MUC5B: variants seen among roughly 807,000 people sequenced by gnomAD.
MUC5B encodes the protein mucin 5B, oligomeric mucus/gel-forming.
A neutral mutation model predicts 376.9 loss-of-function variants in MUC5B; 116 were observed. That is an observed-to-expected ratio of 0.31 (90% CI 0.26 to 0.36). The LOEUF (loss-of-function observed/expected upper bound fraction) is 0.36, where lower values mean the gene tolerates loss of function less well. MUC5B is among the 10% of genes least tolerant of loss of function. The pLI, the probability that MUC5B is intolerant of heterozygous loss-of-function variation, is 1.00. For synonymous variants in MUC5B, 3,517 were observed against 3,390.9 expected (o/e 1.04, Z -1.29); for missense variants, 7,165 against 7,769.9 (o/e 0.92, Z 2.93).
At position 1,254,775 on chromosome 11, in the gene MUC5B, C is replaced by G; in HGVS notation, c.15559C>G (p.Arg5187Gly). The G allele has an allele frequency of 6.2e-7, 1 of 1,612,850 alleles. No homozygotes were observed. Among genetic ancestry groups the G allele is most frequent in the Non-Finnish European group, 8.5e-7 (1 of 1,179,786 alleles). Reference protein sequence around the residue: ...LVSVLGTTTMRVDIPALGVSV... With the variant: ...LVSVLGTTTMGVDIPALGVSV... The stretch of plus-strand genomic sequence containing the variant: ...GTCTGTGCTGGGGACCACCACCATG[C>G]GTGTGGACATTCCTGCCCTGGGCGT... Residue 5187 changes from arginine to glycine, a missense_variant, in exon 35 of 49, where the codon CGT becomes GGT. Transcript: ENST00000529681.
Position 1,236,409 on chromosome 11 carries a change from G to A in MUC5B, c.2904G>A (p.Glu968=), listed in dbSNP as rs755283290. The A allele has an allele frequency of 1.9e-6, 3 of 1,611,906 alleles. No individual in the cohort carries two copies. The highest frequency in any genetic ancestry group is 2.2e-5 in the East Asian group (1 of 44,854). ...FVESYELILQ[E]GTFKAVARGP... is the part of the protein sequence containing the mutation. ...AGAGCTACGAGCTGATCCTCCAAGA[G>A]GGGACCTTTAAGGCGGTGGCGAGAG... Residue 968 remains glutamate, a synonymous_variant, in exon 24 of 49, where the codon GAG becomes GAA. Coordinates refer to ENST00000529681, the MANE Select transcript of MUC5B (RefSeq NM_002458.3).
At position 1,227,137 on chromosome 11, in the gene MUC5B, A is replaced by G. The variant is rs775420853; in HGVS notation, c.568A>G (p.Ser190Gly). The change falls in exon 5 of 49, where the codon AGT becomes GGT. Residue 190 changes from serine (S) to glycine (G), a missense_variant. This residue lies in a region of MUC5B where 640 missense variants were observed against 733.0 expected (regional missense o/e 0.87). Transcript: ENST00000529681. ...GACATTCCTGTGGAACGGAGAGGAC[A>G]GTGCCCTGGTGAGGAAGCCCCCTCG... ...VLTFLWNGED[S>G]ALLELDPKYA... The G allele has an allele frequency of 6.2e-7, 1 of 1,611,208 alleles. No individual in the cohort carries two copies. The highest frequency in any genetic ancestry group is 8.5e-7 in the Non-Finnish European group (1 of 1,178,726).
intron 18 of MUC5B, 80 bp from the exon 19 acceptor site, chr11:1,233,713 C>CGGCGGGGGCTCGGAAGCCCGGG: frequency 7.0e-7 from 1 of 1,425,844 alleles, no homozygotes; most frequent in Non-Finnish European, 9.6e-7. Context: ...GCCCAGCGTT[C>CGGCGGGGGCTCGGAAGCCCGGG]GGCGGGGGCT....
chr11:1,251,356 G>C lies in MUC5B; in HGVS notation c.14476G>C (p.Ala4826Pro). 1 of 1,611,944 alleles carries C rather than the reference G, an allele frequency of 6.2e-7. No individual in the cohort carries two copies. The highest frequency in any genetic ancestry group is 8.5e-7 in the Non-Finnish European group (1 of 1,178,824). The change falls in exon 31 of 49, where the codon GCC becomes CCC. Residue 4826 changes from alanine to proline, a missense_variant. Coordinates refer to ENST00000529681, the MANE Select transcript of MUC5B (RefSeq NM_002458.3). The part of the protein sequence containing the change: ...TRILTELTTT[A>P]TTTAATGSTA... ...GATCCTCACTGAGCTGACCACAACAGCCACTACAACTGCAGCCACTGGATC... is the reference window on the plus strand; with the variant it reads ...GATCCTCACTGAGCTGACCACAACACCCACTACAACTGCAGCCACTGGATC...
rs918361800 is a variant in MUC5B, at chr11:1,238,720, C to T, written c.3298-151C>T. Reference sequence around the variant, plus strand: ...GCTGGGGCAGCTCCCATTTGGGGCACGCTCTGAGGTATTCCAGGCCCCAGG... The same window carrying T: ...GCTGGGGCAGCTCCCATTTGGGGCATGCTCTGAGGTATTCCAGGCCCCAGG... On this transcript the variant is annotated intron_variant, in intron 25 of 48. Transcript: ENST00000529681. 4.2e-5 allele frequency: 35 copies of T among 838,966 alleles called. No individual in the cohort carries two copies. In the East Asian group the frequency reaches 5.4e-4, roughly 13 times the overall value. 52.0% of individuals were successfully genotyped at this position (838,966 alleles called of 1,614,324 possible).
chr11:1,248,998 C>T lies in MUC5B; in HGVS notation c.12118C>T (p.His4040Tyr), dbSNP rs1023295127. 6.2e-6 allele frequency: 10 copies of T among 1,609,188 alleles called. No individual in the cohort carries two copies. Among genetic ancestry groups the T allele is most frequent in the South Asian group, 1.1e-5 (1 of 90,786 alleles). Reference sequence around the variant, plus strand: ...CACCTCAGGCACCTTGGGCACCACCCACATCACAGAGCCTTCCACGGGGAC... The same window carrying T: ...CACCTCAGGCACCTTGGGCACCACCTACATCACAGAGCCTTCCACGGGGAC... ...SATSGTLGTT[H>Y]ITEPSTGTSH... Residue 4040 changes from histidine (H) to tyrosine (Y), a missense_variant, in exon 31 of 49, where the codon CAC becomes TAC. By Grantham distance (83) the His-to-Tyr change is moderately conservative. Transcript: ENST00000529681.
In MUC5B at chr11:1,232,518, A is replaced by G. The variant is rs1590170867; in HGVS notation, c.1912A>G (p.Ile638Val). ...CAGTGCCTTCTCGCGCTGCCACTCCATCATCAACCCCAAGCCCTTCCACTC... is the reference window on the plus strand; with the variant it reads ...CAGTGCCTTCTCGCGCTGCCACTCCGTCATCAACCCCAAGCCCTTCCACTC... Reference protein sequence around the residue: ...PNSAFSRCHSIINPKPFHSNC... With the variant: ...PNSAFSRCHSVINPKPFHSNC... Residue 638 changes from isoleucine (I) to valine (V), a missense_variant, in exon 16 of 49, where the codon ATC (isoleucine) becomes GTC (valine). Coordinates refer to ENST00000529681, the MANE Select transcript of MUC5B (RefSeq NM_002458.3). 8 of 1,611,282 alleles carry G rather than the reference A, an allele frequency of 5.0e-6. No individual in the cohort carries two copies. The highest frequency in any genetic ancestry group is 4.5e-5 in the East Asian group (2 of 44,736).
At chr11:1,239,691 C>A in intron 27 of MUC5B, 108 bp from the exon 28 acceptor site, 1 of 1,487,624 alleles carries the variant, frequency 6.7e-7, no homozygotes, top group Non-Finnish European at 8.9e-7. Context: ...GCCTTGAGGG[C>A]AGGCCCCTGC....
rs1862751796 is a variant in MUC5B, at chr11:1,253,239, G to C, written c.15217+259G>C. On this transcript the variant is annotated intron_variant, in intron 33 of 48. Transcript: ENST00000529681. The surrounding 1 kb of genome is among the most constrained non-coding windows in gnomAD (Gnocchi z 4.3). ...CTTGGGCCTCAGTGGTGCACGTCGT[G>C]AGAGCTGTTAGTATGCAGGCTCCGT... Among the ~76,000 whole-genome samples, 1 of 152,128 alleles carries C rather than the reference G, an allele frequency of 6.6e-6. No individual in the cohort carries two copies. The highest frequency in any genetic ancestry group is 1.5e-5 in the Non-Finnish European group (1 of 68,016).
chr11:1,256,544 C>A (rs934482698), intron 38 of MUC5B, 127 bp from the exon 39 acceptor site: 1 of 455,628 alleles, frequency 2.2e-6, no homozygotes, highest in Non-Finnish European at 3.9e-6. Flanking sequence ...CCCGCCCACC[C>A]TGAGCCCCGC....
chr11:1,247,495 ACCACAG>A lies in MUC5B; in HGVS notation c.10627_10632del (p.Ala3543_Thr3544del), dbSNP rs755181507. ...GGGCCACACCAGGGGCACCTCCAGGACCACAGCCACAGCCACACCCAGCAAGACCCG... is the reference window on the plus strand; with the variant it reads ...GGGCCACACCAGGGGCACCTCCAGGACCACAGCCACACCCAGCAAGACCCG... On this transcript the variant is annotated inframe_deletion, in exon 31 of 49. Coordinates refer to ENST00000529681, the MANE Select transcript of MUC5B (RefSeq NM_002458.3). 1.4e-5 allele frequency: 23 copies of A among 1,607,452 alleles called. 1 individual carries two copies. In the Admixed American group the frequency reaches 2.7e-4, roughly 19 times the overall value.
Position 1,249,895 on chromosome 11 carries a change from G to A in MUC5B, c.13015G>A (p.Glu4339Lys). 1 of 1,612,996 alleles carries A rather than the reference G, an allele frequency of 6.2e-7. No individual in the cohort carries two copies. The highest frequency in any genetic ancestry group is 2.2e-5 in the East Asian group (1 of 44,824). ...CCTTGGGACCACCGGGACCCTCCCA[G>A]AACAGACCACCACACCCGTGGCCAC... Reference protein sequence around the residue: ...STLGTTGTLPEQTTTPVATMS... With the variant: ...STLGTTGTLPKQTTTPVATMS... Residue 4339 changes from glutamate to lysine, a missense_variant, in exon 31 of 49, where the codon GAA (glutamate) becomes AAA (lysine). By Grantham distance (56) the Glu-to-Lys change is moderately conservative. Coordinates refer to ENST00000529681, the MANE Select transcript of MUC5B (RefSeq NM_002458.3).
chr11:1,241,727 T>G lies in MUC5B; in HGVS notation c.4847T>G (p.Leu1616Arg). ...RATTPPPTTE[L>R]ETATTTTTQA... is the part of the protein sequence containing the mutation. Reference sequence around the variant, plus strand: ...ACAACCCCGCCACCGACCACAGAGCTGGAGACGGCCACCACCACCACCACC... The same window carrying G: ...ACAACCCCGCCACCGACCACAGAGCGGGAGACGGCCACCACCACCACCACC... Residue 1616 changes from leucine (L) to arginine (R), a missense_variant, in exon 31 of 49, where the codon CTG (leucine) becomes CGG (arginine). Transcript: ENST00000529681. 6.2e-7 allele frequency: 1 copy of G among 1,612,294 alleles called. No individual in the cohort carries two copies. Among genetic ancestry groups the G allele is most frequent in the Non-Finnish European group, 8.5e-7 (1 of 1,179,604 alleles).
chr11:1,246,246 G>A lies in MUC5B; in HGVS notation c.9366G>A (p.Met3122Ile), dbSNP rs771530947. ...KATTTRATSS[M>I]STPSSTPGTT... is the part of the protein sequence containing the mutation. ...CCACGACAAGGGCCACCAGTTCCATGTCCACCCCCTCCTCCACTCCGGGGA... is the reference window on the plus strand; with the variant it reads ...CCACGACAAGGGCCACCAGTTCCATATCCACCCCCTCCTCCACTCCGGGGA... The change falls in exon 31 of 49, where the codon ATG (methionine) becomes ATA (isoleucine). Residue 3122 changes from methionine (M) to isoleucine (I), a missense_variant. By Grantham distance (10) the Met-to-Ile change is conservative (BLOSUM62 1). Coordinates refer to ENST00000529681, the MANE Select transcript of MUC5B (RefSeq NM_002458.3). 2.0e-5 allele frequency: 33 copies of A among 1,610,904 alleles called. No individual in the cohort carries two copies. The East Asian group carries it at 7.0e-4, about 34-fold the overall frequency.
rs1177935713 is a variant in MUC5B, at chr11:1,235,242, C to T, written c.2769+19C>T. 6.2e-7 allele frequency: 1 copy of T among 1,611,890 alleles called. No homozygotes were observed. Among genetic ancestry groups the T allele is most frequent in the Non-Finnish European group, 8.5e-7 (1 of 1,178,880 alleles). On this transcript the variant is annotated intron_variant, in intron 22 of 48. Coordinates refer to ENST00000529681, the MANE Select transcript of MUC5B (RefSeq NM_002458.3). ...GGCCCAGGTACGCCGCCCCCTCGCCCACTCCTGCAGGCCGGGCACACTCCA... is the reference window on the plus strand; with the variant it reads ...GGCCCAGGTACGCCGCCCCCTCGCCTACTCCTGCAGGCCGGGCACACTCCA...
rs191455213 is a variant in MUC5B at position 1,242,166 on chromosome 11, G to A, written c.5286G>A (p.Thr1762=). The change falls in exon 31 of 49, where the codon ACG becomes ACA. Residue 1762 remains threonine (T), a synonymous_variant. Transcript: ENST00000529681. The stretch of plus-strand genomic sequence containing the variant: ...CCACCTCTCAGGCCGAGACCAGCAC[G>A]CCCAGGACAGAGACGACAATGAGCC... ...ELSTSQAETS[T]PRTETTMSPL... is the part of the protein sequence containing the mutation. 192 of 1,613,494 alleles carry A rather than the reference G, an allele frequency of 1.2e-4. 1 individual carries two copies. The highest frequency in any genetic ancestry group is 1.2e-3 in the South Asian group (105 of 91,086).
rs771486824 is a variant in MUC5B, at chr11:1,251,292, T to A, written c.14412T>A (p.Asn4804Lys). The A allele has an allele frequency of 6.2e-7, 1 of 1,607,378 alleles. No individual in the cohort carries two copies. Among genetic ancestry groups the A allele is most frequent in the Admixed American group, 1.7e-5 (1 of 59,884 alleles). The stretch of plus-strand genomic sequence containing the variant: ...CAGCCACCATGACAAGGGCCACCAA[T>A]TCCACGGCCACACCCTCCTCCACTC... Reference protein sequence around the residue: ...TTTATMTRATNSTATPSSTLG... With the variant: ...TTTATMTRATKSTATPSSTLG... Residue 4804 changes from asparagine (N) to lysine (K), a missense_variant, in exon 31 of 49, where the codon AAT (asparagine) becomes AAA (lysine). Physicochemically the swap from Asn to Lys is moderately conservative, Grantham distance 94. Coordinates refer to ENST00000529681, the MANE Select transcript of MUC5B (RefSeq NM_002458.3).
rs201362727 is a variant in MUC5B at position 1,246,320 on chromosome 11, C to T, written c.9440C>T (p.Ala3147Val). 1 of 1,600,778 alleles carries T rather than the reference C, an allele frequency of 6.2e-7. No individual in the cohort carries two copies. The highest frequency in any genetic ancestry group is 1.1e-5 in the South Asian group (1 of 90,072). The change falls in exon 31 of 49, where the codon GCC (alanine) becomes GTC (valine). Residue 3147 changes from alanine (A) to valine (V), a missense_variant. By Grantham distance (64) the Ala-to-Val change is moderately conservative. This residue lies in a region of MUC5B where 939 missense variants were observed against 770.6 expected (regional missense o/e 1.22). Transcript: ENST00000529681. The part of the protein sequence containing the change: ...ELTTAATTTA[A>V]TGPTATPSST... The stretch of plus-strand genomic sequence containing the variant: ...ACCACAGCAGCCACTACAACTGCAG[C>T]CACTGGCCCCACGGCCACCCCGTCC...
rs759374254 is a variant in MUC5B at position 1,241,054 on chromosome 11, G to A, written c.4174G>A (p.Glu1392Lys). ...GCAGCTTCCCGACATGCCGCTGGAG[G>A]AGCTGGGCCAGCAGGTGGACTGTGA... ...AAQLPDMPLE[E>K]LGQQVDCDRM... The change falls in exon 31 of 49, where the codon GAG becomes AAG. Residue 1392 changes from glutamate to lysine, a missense_variant. Physicochemically the swap from Glu to Lys is moderately conservative, Grantham distance 56. This residue lies in a region of MUC5B where 517 missense variants were observed against 545.3 expected (regional missense o/e 0.95). Transcript: ENST00000529681. The A allele has an allele frequency of 6.2e-7, 1 of 1,612,572 alleles. No homozygotes were observed. The highest frequency in any genetic ancestry group is 2.2e-5 in the East Asian group (1 of 44,878).
Sources: allele counts gnomAD v4.1 joint callset (sites outside exome capture counted in the v4.1 genomes callset), GRCh38; gene constraint gnomAD v4.1.1; regional missense constraint gnomAD v4.1.1; non-coding constraint Gnocchi (gnomAD v3.1); transcripts MANE v1.5; gene names NCBI Gene and HGNC (gene_info 2026-07-23, HGNC 2026-07-21).